RXRA: variants seen among roughly 807,000 people sequenced by gnomAD.
RXRA encodes retinoid X receptor alpha.
A neutral mutation model predicts 44.5 loss-of-function variants in RXRA; 5 were observed. That is an observed-to-expected ratio of 0.11 (90% confidence interval 0.06 to 0.24). The LOEUF (loss-of-function observed/expected upper bound fraction) is 0.24, where lower values mean the gene tolerates loss of function less well. RXRA is among the 10% of genes least tolerant of loss of function. RXRA has a pLI of 1.00. For missense variants in RXRA, 412 were observed against 646.5 expected, an observed-to-expected ratio of 0.64 and a Z score of 3.93; for synonymous variants, 291 against 271.4, an observed-to-expected ratio of 1.07 and a Z score of -0.71.
rs3818735 is a variant in RXRA at position 134,333,577 on chromosome 9, A to G, written c.28+6918A>G. 3.8e-4 allele frequency among the ~76,000 whole-genome samples: 58 copies of G among 152,196 alleles called. No homozygotes were observed. The East Asian group carries it at 0.011, about 28-fold the overall frequency. On this transcript the variant is annotated intron_variant, in intron 1 of 9. Transcript: ENST00000481739. Reference sequence around the variant, plus strand: ...TGTAAATCCTCCAGCCGCCATGGATAAACCCTCGGAGTTCAAAGACAACCC... The same window carrying G: ...TGTAAATCCTCCAGCCGCCATGGATGAACCCTCGGAGTTCAAAGACAACCC...
At chr9:134,341,291 C>T (rs1051104383) in intron 1 of RXRA, among the ~76,000 whole-genome samples, 21 of 152,142 alleles carry the variant, frequency 1.4e-4, no homozygotes, top group African/African-American at 5.1e-4. Flanking sequence ...ACAGCAGAGT[C>T]GGGATTTGAA....
At chr9:134,422,874 C>T (rs1831370981) in intron 6 of RXRA, 5 of 985,344 alleles carry the variant, frequency 5.1e-6, no homozygotes, top group South Asian at 4.7e-5. Context: ...CCAGGGGCTG[C>T]CCAGGAGAGC....
rs532867623 is a variant in RXRA at position 134,390,378 on chromosome 9, G to C, written c.29-11254G>C. 5.9e-5 allele frequency among the ~76,000 whole-genome samples: 9 copies of C among 152,288 alleles called. No homozygotes were observed. The South Asian group carries it at 6.2e-4, about 11-fold the overall frequency. On this transcript the variant is annotated intron_variant, in intron 1 of 9. Coordinates refer to ENST00000481739, the MANE Select transcript of RXRA (RefSeq NM_002957.6). ...TCTGTCGCTGCCAGAAGTTCCCAGG[G>C]CTCCCCATTACACTCCCAAAGTCCA...
At chr9:134,332,151 C>T (rs1835015726) in intron 1 of RXRA, among the ~76,000 whole-genome samples, 1 of 152,210 alleles carries the variant, frequency 6.6e-6, no homozygotes, top group Admixed American at 6.5e-5. Flanking sequence ...GAAGTCCCCA[C>T]TCCCAGGTGG....
In RXRA at chr9:134,407,466, C is replaced by T. The variant is rs562935474; in HGVS notation, c.280-683C>T. On this transcript the variant is annotated intron_variant, in intron 2 of 9. Transcript: ENST00000481739. The surrounding 1 kb of genome is among the most constrained non-coding windows in gnomAD (Gnocchi z 4.8). ...GAACCAAAACTGCTGTGTCACTGCA[C>T]GCTGCAGCTGTTGCCAGGGTGACCG... Among the ~76,000 whole-genome samples the T allele has an allele frequency of 3.9e-5, 6 of 152,316 alleles. No homozygotes were observed. The highest frequency in any genetic ancestry group is 1.9e-4 in the East Asian group (1 of 5,170).
intron 1 of RXRA, among the ~76,000 whole-genome samples, chr9:134,386,086 G>A (rs751735778): frequency 3.9e-5 from 6 of 152,286 alleles, no homozygotes; most frequent in Non-Finnish European, 7.3e-5. Flanking sequence ...GGGACCGGGC[G>A]GCTCTGGGAA....
Position 134,420,222 on chromosome 9 carries a change from C to T in RXRA, c.781-1454C>T, listed in dbSNP as rs757597163. Among the ~76,000 whole-genome samples, 9 of 152,350 alleles carry T rather than the reference C, an allele frequency of 5.9e-5. No homozygotes were observed. The South Asian group carries it at 6.2e-4, about 11-fold the overall frequency. On this transcript the variant is annotated intron_variant, in intron 5 of 9. Coordinates refer to ENST00000481739, the MANE Select transcript of RXRA (RefSeq NM_002957.6). ...TCCTTTCTCAGGGATACCCTGCAGCCGATGGGCAGGCGAGAAGGATGGGCC... is the reference window on the plus strand; with the variant it reads ...TCCTTTCTCAGGGATACCCTGCAGCTGATGGGCAGGCGAGAAGGATGGGCC...
Position 134,401,769 on chromosome 9 carries a change from T to A in RXRA, c.166T>A (p.Ser56Thr). 1 of 1,612,560 alleles carries A rather than the reference T, an allele frequency of 6.2e-7. No homozygotes were observed. The highest frequency in any genetic ancestry group is 8.5e-7 in the Non-Finnish European group (1 of 1,179,782). Reference protein sequence around the residue: ...QLHSPISTLSSPINGMGPPFS... With the variant: ...QLHSPISTLSTPINGMGPPFS... Reference sequence around the variant, plus strand: ...GCATTCTCCCATCAGCACCCTGAGCTCCCCCATCAACGGCATGGGCCCGCC... The same window carrying A: ...GCATTCTCCCATCAGCACCCTGAGCACCCCCATCAACGGCATGGGCCCGCC... Residue 56 changes from serine (S) to threonine (T), a missense_variant, in exon 2 of 10, where the codon TCC (serine) becomes ACC (threonine). Coordinates refer to ENST00000481739, the MANE Select transcript of RXRA (RefSeq NM_002957.6).
At chr9:134,351,708 G>A (rs910687156) in intron 1 of RXRA, among the ~76,000 whole-genome samples, 10 of 152,226 alleles carry the variant, frequency 6.6e-5, no homozygotes, top group African/African-American at 1.4e-4. Context: ...GCCGTTCTGC[G>A]GCCCTCTTTA....
intron 1 of RXRA, among the ~76,000 whole-genome samples, chr9:134,333,907 C>T (rs1835046404): frequency 6.6e-6 from 1 of 152,218 alleles, no homozygotes. Context: ...CCCTCTCCAC[C>T]TGTGCAGGCT....
In RXRA at chr9:134,422,645, C is replaced by T. The variant is rs568933472; in HGVS notation, c.910+840C>T. ...CCCGGGACACTCCCCTCTCCCCGGA[C>T]ACTCCCCACTCCCCGGACACTCCCC... On this transcript the variant is annotated intron_variant, in intron 6 of 9. Coordinates refer to ENST00000481739, the MANE Select transcript of RXRA (RefSeq NM_002957.6). The T allele has an allele frequency of 6.0e-4, 592 of 980,888 alleles. 6 individuals are homozygous for T. In the African/African-American group the frequency reaches 9.8e-3, roughly 16 times the overall value. 60.8% of individuals were successfully genotyped at this position (980,888 alleles called of 1,614,324 possible). A position where few individuals can be genotyped will look rare whatever the true frequency, so the allele number is the denominator to read the frequency against.
At chr9:134,331,078 G>A (rs1019213891) in intron 1 of RXRA, among the ~76,000 whole-genome samples, 6 of 152,212 alleles carry the variant, frequency 3.9e-5, no homozygotes, top group Non-Finnish European at 7.3e-5. Context: ...GGACACTGAG[G>A]TAGCCCTTTC....
intron 5 of RXRA, among the ~76,000 whole-genome samples, chr9:134,421,262 C>T (rs1588302476): frequency 2.0e-5 from 3 of 152,218 alleles, no homozygotes; most frequent in Non-Finnish European, 4.4e-5. Flanking sequence ...GGAGGCTCTG[C>T]TGGGGAGTCT....
At chr9:134,367,990 C>T (rs1281411782) in intron 1 of RXRA, among the ~76,000 whole-genome samples, 6 of 152,260 alleles carry the variant, frequency 3.9e-5, no homozygotes, top group Non-Finnish European at 8.8e-5. Flanking sequence ...CCGCTCCCTG[C>T]CTGCTCAGAG....
intron 1 of RXRA, among the ~76,000 whole-genome samples, chr9:134,331,655 C>T (rs1014023542): frequency 1.3e-5 from 2 of 152,252 alleles, no homozygotes; most frequent in African/African-American, 4.8e-5. Flanking sequence ...CTGCTGCGTG[C>T]CAGGGACTTT....
intron 1 of RXRA, among the ~76,000 whole-genome samples, chr9:134,341,231 G>A (rs535142819): frequency 6.6e-5 from 10 of 152,248 alleles, no homozygotes; most frequent in Non-Finnish European, 1.5e-4. Context: ...TGAGGAGGCC[G>A]AGCTACAGAT....
In RXRA at chr9:134,424,021, T is replaced by C. The variant is rs1032021231; in HGVS notation, c.910+2216T>C. ...TGTGTCCGTCGCCATGTTTGTGTGG[T>C]GCCTGGCCCTGTGGTCCCATGTTCT... On this transcript the variant is annotated intron_variant, in intron 6 of 9. Coordinates refer to ENST00000481739, the MANE Select transcript of RXRA (RefSeq NM_002957.6). 1.7e-5 allele frequency: 17 copies of C among 985,318 alleles called. No homozygotes were observed. In the African/African-American group the frequency reaches 3.0e-4, roughly 17 times the overall value. 61.0% of individuals were successfully genotyped at this position (985,318 alleles called of 1,614,324 possible). A position where few individuals can be genotyped will look rare whatever the true frequency, so the allele number is the denominator to read the frequency against.
intron 5 of RXRA, among the ~76,000 whole-genome samples, chr9:134,418,345 C>G (rs1195557320): frequency 6.6e-6 from 1 of 152,170 alleles, no homozygotes; most frequent in Non-Finnish European, 1.5e-5. Context: ...GCCCATGTGT[C>G]TTTTGCCATG....
chr9:134,342,274 C>G lies in RXRA; in HGVS notation c.28+15615C>G, dbSNP rs541328048. On this transcript the variant is annotated intron_variant, in intron 1 of 9. Coordinates refer to ENST00000481739, the MANE Select transcript of RXRA (RefSeq NM_002957.6). The surrounding 1 kb of genome is among the most constrained non-coding windows in gnomAD (Gnocchi z 4.4). Reference sequence around the variant, plus strand: ...CGAGGACTAGCAAGCCACAGTGCACCAGGTGCCCCGGTACCAGCTTGTGCC... The same window carrying G: ...CGAGGACTAGCAAGCCACAGTGCACGAGGTGCCCCGGTACCAGCTTGTGCC... Among the ~76,000 whole-genome samples, 6 of 152,242 alleles carry G rather than the reference C, an allele frequency of 3.9e-5. No individual in the cohort carries two copies. The highest frequency in any genetic ancestry group is 6.5e-5 in the Admixed American group (1 of 15,302).
Sources: gnomAD v4.1 joint callset for allele counts (sites outside exome capture counted in the v4.1 genomes callset) on GRCh38, gnomAD v4.1.1 for gene constraint, Gnocchi (gnomAD v3.1) non-coding constraint, MANE v1.5 for transcripts, NCBI Gene and HGNC (gene_info 2026-07-23, HGNC 2026-07-21) for gene names.